SAMMSON: variants seen among roughly 807,000 people sequenced by gnomAD.
SAMMSON encodes long intergenic non-protein coding RNA 1212.
intron 2 of SAMMSON, among the ~76,000 whole-genome samples, chr3:70,432,088 C>T (rs781420391): frequency 1.3e-5 from 2 of 151,916 alleles, no homozygotes; most frequent in Non-Finnish European, 2.9e-5. Flanking sequence ...AGTAGGATTG[C>T]TTGGTCATCA....
intron 4 of SAMMSON, among the ~76,000 whole-genome samples, chr3:70,160,349 C>T (rs1450858724): frequency 6.6e-6 from 1 of 151,858 alleles, no homozygotes; most frequent in African/African-American, 2.4e-5. Flanking sequence ...TTCCTTCCTT[C>T]CCTTCCTCCC....
intron 6 of SAMMSON, among the ~76,000 whole-genome samples, chr3:70,290,888 G>T (rs144795557): frequency 6.6e-6 from 1 of 152,140 alleles, no homozygotes; most frequent in Non-Finnish European, 1.5e-5. Context: ...TGCGCTTCCC[G>T]AGTGAGGCAA....
chr3:70,228,834 C>A (rs1209270033), intron 4 of SAMMSON, among the ~76,000 whole-genome samples: 2 of 151,646 alleles, frequency 1.3e-5, no homozygotes, highest in African/African-American at 4.8e-5. Flanking sequence ...CCTCAAAATT[C>A]CTTAATTCCT....
chr3:70,232,824 T>C (rs1421179260), intron 4 of SAMMSON, among the ~76,000 whole-genome samples: 2 of 152,146 alleles, frequency 1.3e-5, no homozygotes. Flanking sequence ...CTTCCCAGGG[T>C]GATTCTCTCC....
At chr3:70,111,333 T>TA (rs1386637163) in intron 4 of SAMMSON, among the ~76,000 whole-genome samples, 1 of 152,172 alleles carries the variant, frequency 6.6e-6, no homozygotes, top group Non-Finnish European at 1.5e-5. Flanking sequence ...AAGTGATTTA[T>TA]AAATACTGGG....
At chr3:70,315,933 A>G (rs987980816) in intron 7 of SAMMSON, among the ~76,000 whole-genome samples, 1 of 152,178 alleles carries the variant, frequency 6.6e-6, no homozygotes, top group Admixed American at 6.6e-5. Context: ...CATTTAAAAT[A>G]ATGAACTAAA....
chr3:70,419,198 CG>C (rs1037883795), intron 2 of SAMMSON, among the ~76,000 whole-genome samples: 7 of 149,382 alleles, frequency 4.7e-5, no homozygotes, highest in South Asian at 2.1e-4. Flanking sequence ...CTAATTATTG[CG>C]TTTTTTTTTC....
chr3:70,099,439 A>C (rs1458831917), intron 4 of SAMMSON, among the ~76,000 whole-genome samples: 9 of 151,844 alleles, frequency 5.9e-5, no homozygotes, highest in Admixed American at 5.9e-4. Context: ...TTTGACTTCC[A>C]TTTTTCCCAT....
At position 70,277,004 on chromosome 3, in the gene SAMMSON, A is replaced by G. The variant is rs528413651; in HGVS notation, n.675-14175A>G. ...TATTCTTTCTTAAGGAACTCTTCACACACACATAATTTTTAGCATGGCATT... is the reference window on the plus strand; with the variant it reads ...TATTCTTTCTTAAGGAACTCTTCACGCACACATAATTTTTAGCATGGCATT... On this transcript the variant is annotated intron_variant and non_coding_transcript_variant, in intron 6 of 9. Coordinates refer to ENST00000642114, the Ensembl canonical transcript of SAMMSON. Among the ~76,000 whole-genome samples the G allele has an allele frequency of 1.6e-4, 24 of 152,204 alleles. No homozygotes were observed. In the East Asian group the frequency reaches 3.9e-3, roughly 24 times the overall value.
chr3:70,320,900 G>A (rs891818530), intron 7 of SAMMSON, among the ~76,000 whole-genome samples: 1 of 152,044 alleles, frequency 6.6e-6, no homozygotes, highest in African/African-American at 2.4e-5. Flanking sequence ...CATTGTGTCA[G>A]TTTCCTTATC....
intron 4 of SAMMSON, among the ~76,000 whole-genome samples, chr3:70,224,806 A>T (rs1340688992): frequency 6.6e-6 from 1 of 152,084 alleles, no homozygotes; most frequent in Admixed American, 6.6e-5. Flanking sequence ...TGATAATATC[A>T]CTGTAATTTT....
exon 10 of SAMMSON, chr3:70,389,614 T>A (rs1255494035): frequency 2.0e-5 from 3 of 152,166 alleles, no homozygotes; most frequent in Non-Finnish European, 4.4e-5. Context: ...CAGGCTGGCC[T>A]TTGTGACTTG....
chr3:70,007,048 T>C (rs2066930456), intron 1 of SAMMSON, among the ~76,000 whole-genome samples: 1 of 152,154 alleles, frequency 6.6e-6, no homozygotes, highest in Non-Finnish European at 1.5e-5. Context: ...AGTCTATCAT[T>C]GTTGGACGTT....
chr3:70,228,896 G>C (rs1701533520), intron 4 of SAMMSON, among the ~76,000 whole-genome samples: 1 of 152,222 alleles, frequency 6.6e-6, no homozygotes, highest in East Asian at 1.9e-4. Flanking sequence ...TAGTACGTGA[G>C]GAGAAACTCA....
At chr3:70,146,172 A>G (rs2067547983) in intron 4 of SAMMSON, among the ~76,000 whole-genome samples, 1 of 152,068 alleles carries the variant, frequency 6.6e-6, no homozygotes, top group Admixed American at 6.6e-5. Context: ...TATTAAAGAT[A>G]TTGAATTCAT....
intron 2 of SAMMSON, among the ~76,000 whole-genome samples, chr3:70,395,348 T>TTTTTTTTTTTTTTTTTTTTTTG (rs545231969): frequency 6.7e-6 from 1 of 149,738 alleles, no homozygotes; most frequent in African/African-American, 2.5e-5. Context: ...TTTTTTTTTT[T>TTTTTTTTTTTTTTTTTTTTTTG]TGTGTTGTTG....
intron 2 of SAMMSON, among the ~76,000 whole-genome samples, chr3:70,420,591 C>G (rs1345346982): frequency 6.6e-6 from 1 of 152,194 alleles, no homozygotes; most frequent in Non-Finnish European, 1.5e-5. Flanking sequence ...GGTATTTGAA[C>G]ATCTCTGACC....
chr3:70,187,661 C>T (rs551306606), intron 4 of SAMMSON, among the ~76,000 whole-genome samples: 2 of 151,916 alleles, frequency 1.3e-5, no homozygotes, highest in African/African-American at 2.4e-5. Context: ...TGGTCTCGAT[C>T]TCCTGACCTC....
At chr3:70,255,959 G>C (rs188529852) in intron 6 of SAMMSON, among the ~76,000 whole-genome samples, 1 of 151,614 alleles carries the variant, frequency 6.6e-6, no homozygotes, top group Non-Finnish European at 1.5e-5. Context: ...TTTACAACAC[G>C]TAATTGAAAA....
Sources: allele counts gnomAD v4.1 joint callset (sites outside exome capture counted in the v4.1 genomes callset), GRCh38; gene constraint gnomAD v4.1.1; transcripts MANE v1.5; gene names NCBI Gene and HGNC (gene_info 2026-07-23, HGNC 2026-07-21).